LRMDA: variants seen among roughly 807,000 people sequenced by gnomAD.
LRMDA encodes the protein leucine-rich melanocyte differentiation-associated protein.
Under a neutral mutation model 29.8 loss-of-function variants are expected in LRMDA, and 18 were observed. That is an observed-to-expected ratio of 0.60 (90% CI 0.42 to 0.90). The LOEUF (loss-of-function observed/expected upper bound fraction) is 0.90. Ranked by LOEUF, LRMDA falls within the 40% of genes least tolerant of loss-of-function variation. The probability of loss-of-function intolerance (pLI) is 0.00; values close to 1 mark genes in which losing one functional copy is unlikely to be tolerated. For missense variants in LRMDA, 273 were observed against 273.9 expected (o/e 1.00, Z 0.02); for synonymous variants, 125 against 109.4 (o/e 1.14, Z -0.89).
intron 6 of LRMDA, among the ~76,000 whole-genome samples, chr10:76,414,608 G>A (rs954592480): frequency 7.9e-5 from 12 of 152,230 alleles, no homozygotes; most frequent in Non-Finnish European, 1.6e-4. Context: ...ACGCTGTCAT[G>A]AGAGGGCCTG....
At position 75,949,794 on chromosome 10, in the gene LRMDA, C is replaced by A. The variant is rs138241774; in HGVS notation, c.132-86214C>A. ...AGCCAGAGATGCAACCTTCTATCTG[C>A]AGGTACTGTGTACCAAGAGCACCAG... On this transcript the variant is annotated intron_variant, in intron 2 of 6. Coordinates refer to ENST00000611255, the MANE Select transcript of LRMDA (RefSeq NM_001305581.2). Among the ~76,000 whole-genome samples the A allele has an allele frequency of 2.0e-5, 3 of 152,296 alleles. No homozygotes were observed. The East Asian group carries it at 5.8e-4, about 29-fold the overall frequency.
intron 5 of LRMDA, among the ~76,000 whole-genome samples, chr10:76,116,227 C>T (rs539554758): frequency 6.6e-5 from 10 of 152,260 alleles, no homozygotes; most frequent in Admixed American, 5.2e-4. Context: ...TTACTGCTTT[C>T]TGGGGCCAAC....
intron 6 of LRMDA, among the ~76,000 whole-genome samples, chr10:76,442,104 TA>T (rs1401495212): frequency 6.6e-6 from 1 of 152,200 alleles, no homozygotes; most frequent in Admixed American, 6.5e-5. Flanking sequence ...ATGTAATTCT[TA>T]AAGATTAGTG....
intron 2 of LRMDA, among the ~76,000 whole-genome samples, chr10:75,677,159 A>G (rs549923816): frequency 1.4e-3 from 210 of 152,298 alleles, no homozygotes; most frequent in African/African-American, 4.9e-3. Context: ...CCTATGCTAC[A>G]TGGAGTTTGA....
At chr10:75,668,086 G>A (rs187773182) in intron 2 of LRMDA, among the ~76,000 whole-genome samples, 31 of 152,350 alleles carry the variant, frequency 2.0e-4, no homozygotes, top group Non-Finnish European at 3.2e-4. Context: ...TGCAAAGAGG[G>A]CCCTGAAGCC....
intron 5 of LRMDA, among the ~76,000 whole-genome samples, chr10:76,139,440 C>T (rs1405494875): frequency 6.6e-6 from 1 of 152,034 alleles, no homozygotes; most frequent in African/African-American, 2.4e-5. Context: ...CACGCACAGA[C>T]GCACATGCTT....
chr10:75,745,994 C>T (rs138559601), intron 2 of LRMDA, among the ~76,000 whole-genome samples: 1 of 152,206 alleles, frequency 6.6e-6, no homozygotes, highest in Non-Finnish European at 1.5e-5. Flanking sequence ...AGCCTGGCTT[C>T]TCACTAGAAA....
chr10:75,918,116 T>A (rs888034060), intron 2 of LRMDA, among the ~76,000 whole-genome samples: 1 of 152,138 alleles, frequency 6.6e-6, no homozygotes, highest in African/African-American at 2.4e-5. Flanking sequence ...GAGAACTTGA[T>A]GAGATCATGG....
intron 2 of LRMDA, among the ~76,000 whole-genome samples, chr10:75,822,945 A>G (rs1844187049): frequency 6.6e-6 from 1 of 152,196 alleles, no homozygotes; most frequent in Non-Finnish European, 1.5e-5. Flanking sequence ...GAAGAATGAA[A>G]CTGGACTTCT....
intron 2 of LRMDA, among the ~76,000 whole-genome samples, chr10:75,784,668 A>G: frequency 6.6e-6 from 1 of 151,652 alleles, no homozygotes; most frequent in South Asian, 2.1e-4. Flanking sequence ...GCGCCACTGC[A>G]CTACAGCCTG....
At chr10:76,038,545 C>T (rs1015501697) in intron 3 of LRMDA, among the ~76,000 whole-genome samples, 1 of 152,142 alleles carries the variant, frequency 6.6e-6, no homozygotes, top group Admixed American at 6.5e-5. Context: ...CTCCTCTGCT[C>T]TACTAATGTG....
chr10:75,514,632 C>T (rs1845268760), intron 2 of LRMDA, among the ~76,000 whole-genome samples: 1 of 151,914 alleles, frequency 6.6e-6, no homozygotes, highest in South Asian at 2.1e-4. Flanking sequence ...TCTATTAGTC[C>T]CTGGAGAACT....
At chr10:75,768,667 C>G (rs1843200458) in intron 2 of LRMDA, among the ~76,000 whole-genome samples, 1 of 152,120 alleles carries the variant, frequency 6.6e-6, no homozygotes, top group African/African-American at 2.4e-5. Flanking sequence ...TATTAATATA[C>G]TTTGCTTAAC....
At chr10:76,377,835 T>C (rs1376401085) in intron 6 of LRMDA, among the ~76,000 whole-genome samples, 1 of 152,210 alleles carries the variant, frequency 6.6e-6, no homozygotes, top group African/African-American at 2.4e-5. Flanking sequence ...TTTTTCTTTT[T>C]GCTTAGGATT....
intron 5 of LRMDA, among the ~76,000 whole-genome samples, chr10:76,086,609 C>A (rs1266722268): frequency 1.3e-5 from 2 of 152,206 alleles, no homozygotes; most frequent in Non-Finnish European, 2.9e-5. Context: ...AGTCCCTTCT[C>A]TGTGGCTACC....
At chr10:76,048,492 G>A (rs535179307) in intron 4 of LRMDA, among the ~76,000 whole-genome samples, 2 of 152,182 alleles carry the variant, frequency 1.3e-5, no homozygotes, top group South Asian at 2.1e-4. Flanking sequence ...GTAACTGGTC[G>A]CATTAGCAAA....
chr10:76,327,424 T>G (rs1840849799), intron 6 of LRMDA, among the ~76,000 whole-genome samples: 1 of 152,130 alleles, frequency 6.6e-6, no homozygotes, highest in African/African-American at 2.4e-5. Context: ...ACACTGCCCA[T>G]TCTTCAGGTA....
intron 2 of LRMDA, among the ~76,000 whole-genome samples, chr10:76,002,835 G>C (rs141883358): frequency 6.6e-6 from 1 of 152,314 alleles, no homozygotes; most frequent in Non-Finnish European, 1.5e-5. Flanking sequence ...CTCAGGTTGT[G>C]CCAGACTGCA....
chr10:75,855,526 C>T (rs1166441564), intron 2 of LRMDA, among the ~76,000 whole-genome samples: 1 of 152,178 alleles, frequency 6.6e-6, no homozygotes. Flanking sequence ...CCTGTTCACT[C>T]TGATGGTAGT....
Sources: allele counts gnomAD v4.1 joint callset (sites outside exome capture counted in the v4.1 genomes callset), GRCh38; gene constraint gnomAD v4.1.1; transcripts MANE v1.5; gene names NCBI Gene and HGNC (gene_info 2026-07-23, HGNC 2026-07-21).